The following NMT1 variants were observed in gnomAD, a reference collection of about 807,000 sequenced individuals.
NMT1 encodes glycylpeptide N-tetradecanoyltransferase 1.
In NMT1, 12 loss-of-function variants were observed where a neutral mutation model predicts 63.4. The ratio of observed to expected loss-of-function variants is 0.19; its 90% CI spans 0.12 to 0.31. The LOEUF (loss-of-function observed/expected upper bound fraction) is 0.31, where lower values mean the gene tolerates loss of function less well. Ranked by LOEUF, NMT1 falls within the 10% of genes least tolerant of loss-of-function variation. The pLI is 1.00. For missense variants in NMT1, 432 were observed against 634.6 expected, an observed-to-expected ratio of 0.68 and a Z score of 3.43; for synonymous variants, 228 against 234.3, an observed-to-expected ratio of 0.97 and a Z score of 0.25.
chr17:45,094,338 C>CA (rs1230450975), intron 4 of NMT1, among the ~76,000 whole-genome samples: 3 of 151,462 alleles, frequency 2.0e-5, no homozygotes, highest in African/African-American at 7.3e-5. Flanking sequence ...ACTAAAAATA[C>CA]AAAAAATTAG....
intron 1 of NMT1, among the ~76,000 whole-genome samples, chr17:45,068,162 C>T (rs984915406): frequency 2.0e-5 from 3 of 152,128 alleles, no homozygotes; most frequent in Non-Finnish European, 4.4e-5. Context: ...CTATTGAGAG[C>T]GCCAAAAATA....
chr17:45,061,585 G>GTT (rs2053859269), intron 1 of NMT1, 125 bp downstream of exon 1: 1 of 817,344 alleles, frequency 1.2e-6, no homozygotes, highest in South Asian at 1.9e-5. Context: ...AAGTCACTAG[G>GTT]ATTCTGCCTG....
intron 1 of NMT1, among the ~76,000 whole-genome samples, chr17:45,077,889 G>A (rs1364402843): frequency 6.6e-6 from 1 of 152,112 alleles, no homozygotes; most frequent in Non-Finnish European, 1.5e-5. Context: ...ATGGCCTTGG[G>A]GGTTTTGCTG....
At chr17:45,098,080 A>G (rs1268996881) in intron 6 of NMT1, among the ~76,000 whole-genome samples, 2 of 152,166 alleles carry the variant, frequency 1.3e-5, no homozygotes, top group Non-Finnish European at 2.9e-5. Context: ...GCTTCCCTGC[A>G]TGCTAAAGGT....
chr17:45,098,495 T>C lies in NMT1; in HGVS notation c.827T>C (p.Ile276Thr). 1 of 1,614,214 alleles carries C rather than the reference T, an allele frequency of 6.2e-7. No individual in the cohort carries two copies. Reference sequence around the variant, plus strand: ...ACCAGGCGGGTTCACCTGGAGGGCATCTTCCAAGCAGTTTACACTGCCGGG... The same window carrying C: ...ACCAGGCGGGTTCACCTGGAGGGCACCTTCCAAGCAGTTTACACTGCCGGG... Reference protein sequence around the residue: ...EITRRVHLEGIFQAVYTAGVV... With the variant: ...EITRRVHLEGTFQAVYTAGVV... The change falls in exon 7 of 12, where the codon ATC (isoleucine) becomes ACC (threonine). Residue 276 changes from isoleucine (I) to threonine (T), a missense_variant. Physicochemically the swap from Ile to Thr is moderately conservative, Grantham distance 89. This residue lies in a region of NMT1 where 295 missense variants were observed against 489.7 expected (regional missense o/e 0.60). Coordinates refer to ENST00000258960, the MANE Select transcript of NMT1 (RefSeq NM_021079.5).
chr17:45,091,890 G>T (rs139346204), intron 3 of NMT1, among the ~76,000 whole-genome samples: 2 of 152,116 alleles, frequency 1.3e-5, no homozygotes, highest in Admixed American at 1.3e-4. Flanking sequence ...GCGTAGTGGC[G>T]CATGCCTATA....
At chr17:45,102,822 A>G (rs1461383751) in intron 8 of NMT1, 129 bp from the exon 9 acceptor site, 2 of 727,512 alleles carry the variant, frequency 2.7e-6, no homozygotes, top group African/African-American at 1.8e-5. Flanking sequence ...GCCTGAGGAG[A>G]TATGCACGGG....
Position 45,105,120 on chromosome 17 carries a change from T to C in NMT1, c.1470+124T>C, listed in dbSNP as rs1017850426. On this transcript the variant is annotated intron_variant, in intron 11 of 11. Transcript: ENST00000258960. The surrounding 1 kb of genome is among the most constrained non-coding windows in gnomAD (Gnocchi z 4.2). ...GTCCTTGTTACCTCGAGTTGAACCTTTGAAAATGCCCTCCCTCTGCTGGCC... is the reference window on the plus strand; with the variant it reads ...GTCCTTGTTACCTCGAGTTGAACCTCTGAAAATGCCCTCCCTCTGCTGGCC... 3.1e-6 allele frequency: 4 copies of C among 1,274,108 alleles called. No homozygotes were observed. The Admixed American group carries it at 8.6e-5, about 27-fold the overall frequency. 78.9% of individuals were successfully genotyped at this position (1,274,108 alleles called of 1,614,324 possible). A position where few individuals can be genotyped will look rare whatever the true frequency, so the allele number is the denominator to read the frequency against.
intron 2 of NMT1, among the ~76,000 whole-genome samples, chr17:45,084,524 G>T (rs1055047919): frequency 1.3e-5 from 2 of 151,858 alleles, no homozygotes; most frequent in Non-Finnish European, 2.9e-5. Flanking sequence ...TAGTAGGGAC[G>T]GGGTTTCACT....
intron 2 of NMT1, among the ~76,000 whole-genome samples, chr17:45,083,098 C>T (rs1000019596): frequency 7.9e-5 from 12 of 151,260 alleles, no homozygotes; most frequent in Non-Finnish European, 1.0e-4. Flanking sequence ...GGGTGGATCA[C>T]GAGGTCAGGA....
intron 3 of NMT1, among the ~76,000 whole-genome samples, chr17:45,089,019 C>G (rs146513902): frequency 6.6e-6 from 1 of 152,136 alleles, no homozygotes. Flanking sequence ...AGAGCAGTCA[C>G]CCTGAGCATC....
At chr17:45,090,233 A>G (rs1156318841) in intron 3 of NMT1, among the ~76,000 whole-genome samples, 9 of 152,178 alleles carry the variant, frequency 5.9e-5, no homozygotes, top group African/African-American at 1.2e-4. Flanking sequence ...GTAGTGAGCC[A>G]TGATCGTGCC....
intron 7 of NMT1, chr17:45,098,971 C>G (rs936940597): frequency 5.8e-5 from 13 of 223,932 alleles, no homozygotes; most frequent in African/African-American, 2.9e-4. Context: ...GCAACCTCTG[C>G]CTTAGAAAGT....
intron 7 of NMT1, 123 bp downstream of exon 7, chr17:45,098,675 G>A (rs892836444): frequency 2.5e-5 from 23 of 911,848 alleles, no homozygotes; most frequent in African/African-American, 6.7e-5. Flanking sequence ...CTGGTAAGGC[G>A]GGCACTTGGT....
At chr17:45,099,358 T>G in intron 7 of NMT1, 47 bp from the exon 8 acceptor site, 1 of 1,333,106 alleles carries the variant, frequency 7.5e-7, no homozygotes, top group Non-Finnish European at 1.1e-6. Flanking sequence ...GTCCTTGTAA[T>G]AGGGATTGGC....
chr17:45,089,780 A>T (rs533966991), intron 3 of NMT1, among the ~76,000 whole-genome samples: 1 of 151,974 alleles, frequency 6.6e-6, no homozygotes, highest in Non-Finnish European at 1.5e-5. Context: ...CTGGGACTAC[A>T]GGTGCCTGCC....
chr17:45,106,273 GCTGGGGCTGACCCTGGGCAGGGACTTTC>G lies in NMT1; in HGVS notation c.*638_*665del, dbSNP rs1244092003. 6.6e-6 allele frequency: 1 copy of G among 152,648 alleles called. No individual in the cohort carries two copies. The highest frequency in any genetic ancestry group is 2.4e-5 in the African/African-American group (1 of 41,450). The allele number at this position is 152,648 out of a possible 1,614,324, so 9.5% of individuals were successfully genotyped here. ...CATGGGATAGCACGTGGAGCTCTTG[GCTGGGGCTGACCCTGGGCAGGGACTTTC>G]CTGCAGGGCCAGACCTGCCTGCATT... On this transcript the variant is annotated 3_prime_UTR_variant, in exon 12 of 12. Transcript: ENST00000258960.
intron 1 of NMT1, among the ~76,000 whole-genome samples, chr17:45,070,901 T>C (rs187820266): frequency 1.3e-5 from 2 of 152,272 alleles, no homozygotes; most frequent in Admixed American, 1.3e-4. Context: ...TTCCCATCAT[T>C]TGGGATTCAC....
At chr17:45,097,386 T>C in intron 6 of NMT1, 142 bp downstream of exon 6, 1 of 714,098 alleles carries the variant, frequency 1.4e-6, no homozygotes, top group Non-Finnish European at 2.5e-6. Context: ...GTGCGGGGAC[T>C]GCAGATTCAT....
Sources: gnomAD v4.1 joint callset for allele counts (sites outside exome capture counted in the v4.1 genomes callset) on GRCh38, gnomAD v4.1.1 for gene constraint, gnomAD v4.1.1 regional missense constraint, Gnocchi (gnomAD v3.1) non-coding constraint, MANE v1.5 for transcripts, NCBI Gene and HGNC (gene_info 2026-07-23, HGNC 2026-07-21) for gene names.